The following ANK2 variants were observed in gnomAD, a reference collection of about 807,000 sequenced individuals.
ANK2 encodes ankyrin 2.
Under a neutral mutation model 360.5 loss-of-function variants are expected in ANK2, and 83 were observed. The ratio of observed to expected loss-of-function variants is 0.23; its 90% CI spans 0.19 to 0.28. The LOEUF is 0.28. Ranked by LOEUF, ANK2 falls within the 10% of genes least tolerant of loss-of-function variation. The pLI is 1.00. For missense variants in ANK2, 4,201 were observed against 4,795.7 expected, an observed-to-expected ratio of 0.88 and a Z score of 3.66; for synonymous variants, 1,740 against 1,759.5, an observed-to-expected ratio of 0.99 and a Z score of 0.28.
chr4:112,805,791 A>C, the ANK2 span, among the ~76,000 whole-genome samples: 1,334 of 152,234 alleles, frequency 8.8e-3, 13 homozygotes, highest in African/African-American at 0.031. Flanking sequence ...TATGTTGGTC[A>C]GGCTCGAACT....
the ANK2 span, among the ~76,000 whole-genome samples, chr4:112,712,405 TA>T: frequency 0.07 from 3,305 of 47,548 alleles, 74 homozygotes; most frequent in East Asian, 0.16. Context: ...TATATATATA[TA>T]TTTTTTTTTT....
chr4:112,976,780 C>T (rs1224870565), intron 2 of ANK2, among the ~76,000 whole-genome samples: 1 of 151,932 alleles, frequency 6.6e-6, no homozygotes, highest in African/African-American at 2.4e-5. Context: ...TCTTTGTGAC[C>T]CTGCTCTACT....
At chr4:112,939,711 C>A (rs1435073455) in intron 2 of ANK2, among the ~76,000 whole-genome samples, 1 of 152,156 alleles carries the variant, frequency 6.6e-6, no homozygotes, top group Non-Finnish European at 1.5e-5. Context: ...TGTGAAAAAT[C>A]TCCCTCCTTA....
At chr4:112,957,713 C>T (rs1315547159) in intron 2 of ANK2, among the ~76,000 whole-genome samples, 1 of 151,332 alleles carries the variant, frequency 6.6e-6, no homozygotes, top group Non-Finnish European at 1.5e-5. Flanking sequence ...CACCTCCCTC[C>T]CGGACGGGGT....
At chr4:112,960,620 C>G (rs142927715) in intron 2 of ANK2, among the ~76,000 whole-genome samples, 1 of 151,976 alleles carries the variant, frequency 6.6e-6, no homozygotes, top group South Asian at 2.1e-4. Flanking sequence ...TAATTCAAGA[C>G]GAAAATTAAA....
intron 1 of ANK2, among the ~76,000 whole-genome samples, chr4:113,066,835 C>T (rs1188973087): frequency 6.6e-6 from 1 of 152,128 alleles, no homozygotes; most frequent in Non-Finnish European, 1.5e-5. Flanking sequence ...CTGAGCTTCT[C>T]TGTGTCTCAG....
chr4:113,279,616 C>T (rs1182215989), intron 17 of ANK2, among the ~76,000 whole-genome samples: 1 of 149,338 alleles, frequency 6.7e-6, no homozygotes. Context: ...ACTCATATGC[C>T]TATTTAAATT....
At chr4:112,966,451 GAGTA>G (rs1226510380) in intron 2 of ANK2, among the ~76,000 whole-genome samples, 18 of 151,902 alleles carry the variant, frequency 1.2e-4, no homozygotes, top group South Asian at 2.1e-4. Flanking sequence ...CTTTTCAAAT[GAGTA>G]AGTGTGTGTG....
At chr4:112,905,702 C>A (rs2084958537) in intron 2 of ANK2, among the ~76,000 whole-genome samples, 1 of 152,208 alleles carries the variant, frequency 6.6e-6, no homozygotes, top group Non-Finnish European at 1.5e-5. Context: ...CCCTCTGTCA[C>A]CCAGGCTGGA....
At chr4:113,180,973 G>A in intron 2 of ANK2, among the ~76,000 whole-genome samples, 1 of 152,128 alleles carries the variant, frequency 6.6e-6, no homozygotes, top group South Asian at 2.1e-4. Context: ...GCTCTATACT[G>A]GGTAGTGCTG....
At chr4:113,243,160 C>T (rs2040918634) in intron 9 of ANK2, among the ~76,000 whole-genome samples, 1 of 152,090 alleles carries the variant, frequency 6.6e-6, no homozygotes, top group South Asian at 2.1e-4. Context: ...TTCAGCAAAA[C>T]TTCAAATGTG....
In ANK2 at chr4:113,357,860, A is replaced by T. The variant is rs962522673; in HGVS notation, c.9242A>T (p.Asp3081Val). 8.7e-6 allele frequency: 14 copies of T among 1,613,968 alleles called. No homozygotes were observed. The highest frequency in any genetic ancestry group is 1.6e-4 in the Middle Eastern group (1 of 6,084). ...AGACAATCACAGGGTACCACCCCTGACACCACTCCTGCTAGGACCCCAACT... is the reference window on the plus strand; with the variant it reads ...AGACAATCACAGGGTACCACCCCTGTCACCACTCCTGCTAGGACCCCAACT... ...VDRQSQGTTP[D>V]TTPARTPTEE... Residue 3081 changes from aspartate (D) to valine (V), a missense_variant, in exon 38 of 46, where the codon GAC becomes GTC. This residue lies in a region of ANK2 where 2,642 missense variants were observed against 2,714.5 expected (regional missense o/e 0.97). Coordinates refer to ENST00000357077, the MANE Select transcript of ANK2 (RefSeq NM_001148.6).
intron 1 of ANK2, among the ~76,000 whole-genome samples, chr4:113,164,963 C>T (rs1445869033): frequency 2.0e-5 from 3 of 152,154 alleles, no homozygotes; most frequent in Admixed American, 6.5e-5. Context: ...TCTTTTTTCT[C>T]TCGACCCAAA....
intron 4 of ANK2, among the ~76,000 whole-genome samples, chr4:113,226,048 G>T (rs995441566): frequency 3.3e-5 from 5 of 152,094 alleles, no homozygotes; most frequent in African/African-American, 4.8e-5. Context: ...GTGAAACAGA[G>T]TATAAATAAA....
chr4:112,765,619 T>G, the ANK2 span, among the ~76,000 whole-genome samples: 1 of 151,914 alleles, frequency 6.6e-6, no homozygotes, highest in Admixed American at 6.6e-5. Flanking sequence ...CTTATAATAC[T>G]ACATACCACT....
At chr4:113,133,512 A>G (rs2096202665) in intron 1 of ANK2, among the ~76,000 whole-genome samples, 1 of 152,076 alleles carries the variant, frequency 6.6e-6, no homozygotes, top group Admixed American at 6.6e-5. Flanking sequence ...CCCAGATGCC[A>G]GATTCCAAAT....
At position 113,264,914 on chromosome 4, in the gene ANK2, A is replaced by G; in HGVS notation, c.1404A>G (p.Leu468=). ...DVTNIRGETA[L]HMAARAGQVE... ...CCTGGCAGCGTGGTGAGACGGCACT[A>G]CACATGGCAGCCCGAGCCGGGCAGG... is the stretch of plus-strand genomic sequence containing the variant. Residue 468 remains leucine, a synonymous_variant, in exon 14 of 46, where the codon CTA becomes CTG. Coordinates refer to ENST00000357077, the MANE Select transcript of ANK2 (RefSeq NM_001148.6). The G allele has an allele frequency of 6.4e-7, 1 of 1,565,930 alleles. No individual in the cohort carries two copies. The highest frequency in any genetic ancestry group is 2.3e-5 in the East Asian group (1 of 42,590).
chr4:112,803,445 G>A, the ANK2 span, among the ~76,000 whole-genome samples: 5 of 152,066 alleles, frequency 3.3e-5, no homozygotes, highest in East Asian at 1.9e-4. Context: ...GGAGTAGATC[G>A]TGATTTGAAA....
intron 39 of ANK2, 83 bp from the exon 40 acceptor site, chr4:113,363,255 A>G (rs2096332540): frequency 2.9e-6 from 4 of 1,392,718 alleles, no homozygotes; most frequent in Non-Finnish European, 4.0e-6. Flanking sequence ...TAAAGAACAC[A>G]TCATTTACAA....
Sources: gnomAD v4.1 joint callset for allele counts (sites outside exome capture counted in the v4.1 genomes callset) on GRCh38, gnomAD v4.1.1 for gene constraint, gnomAD v4.1.1 regional missense constraint, MANE v1.5 for transcripts, NCBI Gene and HGNC (gene_info 2026-07-23, HGNC 2026-07-21) for gene names.